The following TSPAN4 variants were observed in gnomAD, a reference collection of about 807,000 sequenced individuals.
TSPAN4 encodes the protein tetraspanin-4.
Under a neutral mutation model 31.5 loss-of-function variants are expected in TSPAN4, and 38 were observed. The ratio of observed to expected loss-of-function variants is 1.21; its 90% CI spans 0.93 to 1.58. The LOEUF is 1.58. Ranked by LOEUF, TSPAN4 falls within the 40% of genes most tolerant of loss-of-function variation. The pLI is 0.00. For missense variants in TSPAN4, 330 were observed against 317.3 expected (o/e 1.04, Z -0.30); for synonymous variants, 186 against 144.6 (o/e 1.29, Z -2.06).
chr11:854,979 A>T (rs1056668899), intron 3 of TSPAN4, among the ~76,000 whole-genome samples: 2 of 152,346 alleles, frequency 1.3e-5, no homozygotes, highest in Middle Eastern at 3.4e-3. Context: ...TGGCAACCAC[A>T]GCGTGTCTGA....
chr11:852,085 C>T (rs113173105), intron 3 of TSPAN4, among the ~76,000 whole-genome samples: 4,353 of 152,262 alleles, frequency 0.029, 237 homozygotes, highest in African/African-American at 0.1. Flanking sequence ...CACAAGGAAC[C>T]CCCTTGGGAC....
Position 866,870 on chromosome 11 carries a change from G to A in TSPAN4, c.*240G>A, listed in dbSNP as rs931671681. On this transcript the variant is annotated 3_prime_UTR_variant, in exon 9 of 9. Coordinates refer to ENST00000397397, the MANE Select transcript of TSPAN4 (RefSeq NM_003271.5). ...TGCTGGCTGCGGAACCCAGGGCAGG[G>A]GTGGGAGGGGCCTCCAGCACTTTTT... is the stretch of plus-strand genomic sequence containing the variant. The A allele has an allele frequency of 3.6e-5, 18 of 499,630 alleles. 1 individual carries two copies. The South Asian group carries it at 5.1e-4, about 14-fold the overall frequency. The allele number at this position is 499,630 out of a possible 1,614,324, so 30.9% of individuals were successfully genotyped here.
intron 4 of TSPAN4, 147 bp downstream of exon 4, chr11:862,888 GC>G: frequency 1.2e-6 from 1 of 857,530 alleles, no homozygotes; most frequent in Non-Finnish European, 1.7e-6. Flanking sequence ...GTGGCCCGGG[GC>G]CCTGGCCACT....
intron 2 of TSPAN4, among the ~76,000 whole-genome samples, chr11:849,638 G>A (rs1163363892): frequency 6.6e-6 from 1 of 151,958 alleles, no homozygotes; most frequent in Non-Finnish European, 1.5e-5. Context: ...AGGTGGGGGG[G>A]CTGGGGCGCC....
chr11:860,258 C>T (rs1565142712), intron 3 of TSPAN4, among the ~76,000 whole-genome samples: 1 of 152,158 alleles, frequency 6.6e-6, no homozygotes, highest in Admixed American at 6.5e-5. Flanking sequence ...GGGATTTTAC[C>T]CTGTGGAGCC....
At chr11:850,260 C>T (rs906235126) in intron 2 of TSPAN4, 28 bp from the exon 3 acceptor site, 17 of 1,577,652 alleles carry the variant, frequency 1.1e-5, no homozygotes, top group Admixed American at 3.5e-5. Context: ...GGTTTTCTAC[C>T]TGGACCTCTC....
At position 862,584 on chromosome 11, in the gene TSPAN4, G is replaced by A; in HGVS notation, c.98G>A (p.Trp33Ter). 1.2e-6 allele frequency: 2 copies of A among 1,611,522 alleles called. No individual in the cohort carries two copies. Among genetic ancestry groups the A allele is most frequent in the East Asian group, 4.5e-5 (2 of 44,820 alleles). The change falls in exon 4 of 9, where the codon TGG becomes TAG. Residue 33 changes from tryptophan to a stop codon, truncating the protein, a stop_gained. Transcript: ENST00000397397. LOFTEE classifies it high-confidence loss of function. ...TGTGGCGTGCTGGGTGTCGGCATCT[G>A]GCTGGCCGCCACACAGGGGAGCTTC... The part of the protein sequence containing the change: ...GGCGVLGVGI[W>*]LAATQGSFAT...
At chr11:854,824 G>A (rs958957364) in intron 3 of TSPAN4, among the ~76,000 whole-genome samples, 2 of 152,220 alleles carry the variant, frequency 1.3e-5, no homozygotes, top group African/African-American at 4.8e-5. Context: ...CCTGGCGCTG[G>A]CCTCTGGGCA....
intron 3 of TSPAN4, among the ~76,000 whole-genome samples, chr11:860,012 G>T (rs1848364827): frequency 6.6e-6 from 1 of 152,212 alleles, no homozygotes; most frequent in African/African-American, 2.4e-5. Context: ...GCCTGCTGGG[G>T]AGGGGCTCTG....
At chr11:866,081 C>T (rs531914433) in intron 8 of TSPAN4, 80 bp downstream of exon 8, 6 of 1,498,198 alleles carry the variant, frequency 4.0e-6, no homozygotes, top group South Asian at 2.3e-5. Context: ...TAGCAAAGAC[C>T]TTGCCCCCAG....
At chr11:852,139 G>GT (rs1231289003) in intron 3 of TSPAN4, among the ~76,000 whole-genome samples, 1 of 152,104 alleles carries the variant, frequency 6.6e-6, no homozygotes, top group Non-Finnish European at 1.5e-5. Context: ...TTTTATCTTT[G>GT]TTTTTTGAGA....
intron 3 of TSPAN4, among the ~76,000 whole-genome samples, chr11:860,044 C>T (rs900529163): frequency 1.3e-5 from 2 of 152,216 alleles, no homozygotes; most frequent in African/African-American, 4.8e-5. Flanking sequence ...CAGAGCTCAG[C>T]AGGCACCAGG....
At chr11:850,425 G>T in intron 3 of TSPAN4, 58 bp downstream of exon 3, 1 of 1,476,170 alleles carries the variant, frequency 6.8e-7, no homozygotes, top group African/African-American at 1.4e-5. Context: ...TCCCGCGGCG[G>T]GTCGCGGGGT....
In TSPAN4 at chr11:850,310, G is replaced by C; in HGVS notation, c.6G>C (p.Ala2=). The C allele has an allele frequency of 6.2e-7, 1 of 1,606,530 alleles. No individual in the cohort carries two copies. Among genetic ancestry groups the C allele is most frequent in the East Asian group, 2.2e-5 (1 of 44,726 alleles). The stretch of plus-strand genomic sequence containing the variant: ...TAGAACTGAAGCGCTGCGGCATGGC[G>C]CGCGCCTGCCTCCAGGCCGTCAAGT... The part of the protein sequence containing the change: M[A]RACLQAVKYL... Residue 2 remains alanine (A), a synonymous_variant, in exon 3 of 9, where the codon GCG becomes GCC. Coordinates refer to ENST00000397397, the MANE Select transcript of TSPAN4 (RefSeq NM_003271.5).
rs1589795961 is a variant in TSPAN4, at chr11:864,475, C to T, written c.294C>T (p.Ala98=). 1.2e-6 allele frequency: 2 copies of T among 1,612,846 alleles called. No individual in the cohort carries two copies. Among genetic ancestry groups the T allele is most frequent in the East Asian group, 4.5e-5 (2 of 44,878 alleles). Residue 98 remains alanine, a synonymous_variant, in exon 5 of 9, where the codon GCC becomes GCT. Transcript: ENST00000397397. ...TGCTGCTGGTGTTCCTGCTGGAGGC[C>T]ACCATCGCCATCCTCTTCTTCGCCT... The part of the protein sequence containing the change: ...LLLLLVFLLE[A]TIAILFFAYT...
At chr11:857,824 T>G (rs1252110918) in intron 3 of TSPAN4, 2 of 152,448 alleles carry the variant, frequency 1.3e-5, no homozygotes, top group African/African-American at 4.8e-5. Flanking sequence ...GCTTGGCGCT[T>G]GAGGCCAGGA....
At chr11:863,590 T>C (rs903735164) in intron 4 of TSPAN4, 3 of 152,270 alleles carry the variant, frequency 2.0e-5, no homozygotes, top group African/African-American at 4.8e-5. Context: ...AGCTCCTCAG[T>C]TGAGGAAGCT....
At chr11:857,878 G>C (rs936753564) in intron 3 of TSPAN4, 3 of 152,348 alleles carry the variant, frequency 2.0e-5, no homozygotes. Context: ...CTGGGGCCTC[G>C]TTTCCCTCTG....
Position 866,845 on chromosome 11 carries a change from T to C in TSPAN4, c.*215T>C, listed in dbSNP as rs1589803945. 3.7e-6 allele frequency: 2 copies of C among 536,792 alleles called. No homozygotes were observed. The highest frequency in any genetic ancestry group is 6.6e-6 in the Non-Finnish European group (2 of 304,644). 33.3% of individuals were successfully genotyped at this position (536,792 alleles called of 1,614,324 possible). ...ACCCCCCCTGGGAGGGGTGGCCACG[T>C]GCTGGCTGCGGAACCCAGGGCAGGG... On this transcript the variant is annotated 3_prime_UTR_variant, in exon 9 of 9. Coordinates refer to ENST00000397397, the MANE Select transcript of TSPAN4 (RefSeq NM_003271.5).
Sources: allele counts gnomAD v4.1 joint callset (sites outside exome capture counted in the v4.1 genomes callset), GRCh38; gene constraint gnomAD v4.1.1; transcripts MANE v1.5; gene names NCBI Gene and HGNC (gene_info 2026-07-23, HGNC 2026-07-21).